Variants in ANKRD30BL observed in about 807,000 individuals in gnomAD.
ANKRD30BL encodes the protein putative ankyrin repeat domain-containing protein 30B-like.
Under a neutral mutation model 18.4 loss-of-function variants are expected in ANKRD30BL, and 20 were observed. The observed-to-expected ratio is 1.09, with a 90% CI of 0.77 to 1.58. ANKRD30BL has a LOEUF of 1.58. ANKRD30BL is among the 40% of genes most tolerant of loss of function. The pLI, the probability that ANKRD30BL is intolerant of heterozygous loss-of-function variation, is 0.00. For synonymous variants in ANKRD30BL, 72 were observed against 100.9 expected (o/e 0.71, Z 1.72); for missense variants, 224 against 268.6 (o/e 0.83, Z 1.16).
chr2:132,156,244 A>C (rs1482296244), intron 3 of ANKRD30BL: 3 of 152,186 alleles, frequency 2.0e-5, no homozygotes, highest in Non-Finnish European at 2.9e-5. Flanking sequence ...AAAAGGCTTA[A>C]AGGCTTTCTA....
chr2:132,199,760 A>G (rs994538461), intron 1 of ANKRD30BL, among the ~76,000 whole-genome samples: 2 of 152,178 alleles, frequency 1.3e-5, no homozygotes, highest in Non-Finnish European at 2.9e-5. Flanking sequence ...GTTGTATAAA[A>G]TAAATGGTTT....
Position 132,154,741 on chromosome 2 carries a change from T to G in ANKRD30BL, c.535A>C (p.Ile179Leu), listed in dbSNP as rs1374425611. 2.8e-6 allele frequency: 2 copies of G among 726,360 alleles called. No individual in the cohort carries two copies. Among genetic ancestry groups the G allele is most frequent in the Non-Finnish European group, 5.1e-6 (2 of 389,700 alleles). 45.0% of individuals were successfully genotyped at this position (726,360 alleles called of 1,614,324 possible). A position where few individuals can be genotyped will look rare whatever the true frequency, so the allele number is the denominator to read the frequency against. The stretch of plus-strand genomic sequence containing the variant: ...ACAATTTCCTCACTTCTTTTCCTTA[T>G]GGCCAGTAAAAGTGGTGTGTGGCCA... Reference protein sequence around the residue: ...KAGHTPLLLAIRKRSEEIVEF... With the variant: ...KAGHTPLLLALRKRSEEIVEF... Residue 179 changes from isoleucine to leucine, a missense_variant, in exon 4 of 6, where the codon ATA becomes CTA. Ile to Leu is a conservative substitution (Grantham distance 5, BLOSUM62 2). Transcript: ENST00000409867.
Position 132,235,035 on chromosome 2 carries a change from C to T in ANKRD30BL, n.441+22494G>A, listed in dbSNP as rs532472533. Among the ~76,000 whole-genome samples the T allele has an allele frequency of 6.3e-3, 965 of 152,120 alleles. 9 individuals carry two copies. The highest frequency in any genetic ancestry group is 0.022 in the African/African-American group (893 of 41,506). ...TGGGATGCAAGGCTGGTTCAATATA[C>T]GCAAATCAATAAATGTAATCCAGCA... On this transcript the variant is annotated intron_variant and non_coding_transcript_variant, in intron 1 of 4. Transcript: ENST00000470729.
At chr2:132,163,650 T>C (rs929395784), upstream of ANKRD30BL, among the ~76,000 whole-genome samples, 1 of 152,210 alleles carries the variant, frequency 6.6e-6, no homozygotes, top group Admixed American at 6.5e-5. Flanking sequence ...GATTATGTGA[T>C]AGGGACCATG....
chr2:132,175,898 G>T (rs1280037475), intron 1 of ANKRD30BL, among the ~76,000 whole-genome samples: 2 of 151,770 alleles, frequency 1.3e-5, no homozygotes, highest in Non-Finnish European at 2.9e-5. Flanking sequence ...AAGAGGTTGG[G>T]GCAAAGTGAT....
intron 1 of ANKRD30BL, among the ~76,000 whole-genome samples, chr2:132,241,846 G>A (rs1377139965): frequency 6.6e-6 from 1 of 151,758 alleles, no homozygotes; most frequent in Non-Finnish European, 1.5e-5. Flanking sequence ...CGTTGGAAAC[G>A]GGAATATCTT....
intron 1 of ANKRD30BL, among the ~76,000 whole-genome samples, chr2:132,210,992 T>G (rs1361939447): frequency 6.6e-6 from 1 of 151,640 alleles, no homozygotes; most frequent in African/African-American, 2.4e-5. Context: ...ACACTCTTTT[T>G]GTGGAATCTG....
chr2:132,190,766 C>G (rs7602567), intron 1 of ANKRD30BL, among the ~76,000 whole-genome samples: 1 of 152,014 alleles, frequency 6.6e-6, no homozygotes, highest in African/African-American at 2.4e-5. Context: ...TTTTATGCAG[C>G]GAATTATGAT....
At chr2:132,176,178 G>C (rs908167413) in intron 1 of ANKRD30BL, among the ~76,000 whole-genome samples, 1 of 152,126 alleles carries the variant, frequency 6.6e-6, no homozygotes. Context: ...CAGATCACTT[G>C]AGGTCAGGAG....
chr2:132,201,428 T>C (rs1679095195), intron 1 of ANKRD30BL, among the ~76,000 whole-genome samples: 1 of 151,820 alleles, frequency 6.6e-6, no homozygotes, highest in Non-Finnish European at 1.5e-5. Flanking sequence ...GAATCTACAA[T>C]GAACTCAAAC....
intron 1 of ANKRD30BL, among the ~76,000 whole-genome samples, chr2:132,256,321 T>C (rs1024598248): frequency 5.9e-5 from 1 of 16,928 alleles, no homozygotes; most frequent in African/African-American, 2.1e-4. Context: ...GGGAGGGGGG[T>C]GGTGGGGCGG....
chr2:132,198,320 C>CT (rs1235302815), intron 1 of ANKRD30BL, among the ~76,000 whole-genome samples: 18 of 10,586 alleles, frequency 1.7e-3, no homozygotes, highest in South Asian at 3.8e-3. Flanking sequence ...TTCTTTCTTT[C>CT]TTTCTTTTTT....
intron 1 of ANKRD30BL, among the ~76,000 whole-genome samples, chr2:132,188,834 TAAAAG>T (rs1486851152): frequency 6.6e-6 from 1 of 152,144 alleles, no homozygotes; most frequent in Non-Finnish European, 1.5e-5. Context: ...GCATTATACA[TAAAAG>T]AAAAGATTGG....
At chr2:132,217,195 C>G (rs1479191215) in intron 1 of ANKRD30BL, among the ~76,000 whole-genome samples, 5 of 152,116 alleles carry the variant, frequency 3.3e-5, no homozygotes, top group Admixed American at 3.3e-4. Context: ...TTTTGAAACA[C>G]TCTTTTAGTA....
chr2:132,205,999 A>C (rs1342128321), intron 1 of ANKRD30BL, among the ~76,000 whole-genome samples: 3 of 152,038 alleles, frequency 2.0e-5, no homozygotes, highest in Admixed American at 1.3e-4. Context: ...CTCTACTAAA[A>C]ATACAAAAAT....
intron 1 of ANKRD30BL, among the ~76,000 whole-genome samples, chr2:132,221,714 G>A (rs1679691868): frequency 8.8e-6 from 1 of 113,758 alleles, no homozygotes; most frequent in Non-Finnish European, 1.7e-5. Context: ...CCCCTGCCTG[G>A]CCAGCCGCCC....
At chr2:132,192,191 G>A (rs1481942697) in intron 1 of ANKRD30BL, among the ~76,000 whole-genome samples, 2 of 152,108 alleles carry the variant, frequency 1.3e-5, no homozygotes, top group Non-Finnish European at 2.9e-5. Flanking sequence ...CATAACACAA[G>A]TAAGCCACAA....
intron 1 of ANKRD30BL, among the ~76,000 whole-genome samples, chr2:132,201,744 G>A (rs1317539134): frequency 1.3e-5 from 2 of 152,180 alleles, no homozygotes; most frequent in African/African-American, 4.8e-5. Context: ...TGATTCCTCA[G>A]AGATCTAGAA....
chr2:132,255,053 C>T (rs1368468457), intron 1 of ANKRD30BL, among the ~76,000 whole-genome samples: 1 of 152,156 alleles, frequency 6.6e-6, no homozygotes, highest in Non-Finnish European at 1.5e-5. Context: ...AACCCAAAAA[C>T]CCAAAGACTG....
Sources: allele counts gnomAD v4.1 joint callset (sites outside exome capture counted in the v4.1 genomes callset), GRCh38; gene constraint gnomAD v4.1.1; transcripts MANE v1.5; gene names NCBI Gene and HGNC (gene_info 2026-07-23, HGNC 2026-07-21).